ECT2L: variants seen among roughly 807,000 people sequenced by gnomAD.
ECT2L encodes epithelial cell-transforming sequence 2 oncogene-like.
ECT2L carries 126 observed loss-of-function variants against 122.8 expected under a neutral mutation model. The observed-to-expected ratio is 1.03, with a 90% CI of 0.89 to 1.19. The LOEUF is 1.19. Ranked by LOEUF, ECT2L falls within the 50% of genes most tolerant of loss-of-function variation. The pLI, the probability that ECT2L is intolerant of heterozygous loss-of-function variation, is 0.00. For missense variants in ECT2L, 1,012 were observed against 1,064.1 expected (o/e 0.95, Z 0.68); for synonymous variants, 385 against 381.8 (o/e 1.01, Z -0.10).
At chr6:138,874,762 G>GT (rs1778381840) in intron 13 of ECT2L, among the ~76,000 whole-genome samples, 1 of 152,088 alleles carries the variant, frequency 6.6e-6, no homozygotes, top group Non-Finnish European at 1.5e-5. Flanking sequence ...TTTTGTTTTT[G>GT]TTTTTTGAGA....
At chr6:138,855,496 G>A (rs943121383) in intron 10 of ECT2L, among the ~76,000 whole-genome samples, 2 of 150,752 alleles carry the variant, frequency 1.3e-5, no homozygotes, top group African/African-American at 2.5e-5. Context: ...GCGACAGAGT[G>A]AGACTCCACC....
chr6:138,867,309 T>C (rs1778080711), intron 12 of ECT2L, among the ~76,000 whole-genome samples: 1 of 152,194 alleles, frequency 6.6e-6, no homozygotes, highest in Non-Finnish European at 1.5e-5. Context: ...TCATTTTATA[T>C]TTTATCATAG....
At chr6:138,818,373 A>C (rs2128376103) in intron 4 of ECT2L, among the ~76,000 whole-genome samples, 1 of 152,082 alleles carries the variant, frequency 6.6e-6, no homozygotes, top group South Asian at 2.1e-4. Context: ...CATTCTTCCC[A>C]CGCAGCCTGT....
intron 4 of ECT2L, among the ~76,000 whole-genome samples, chr6:138,834,147 G>C (rs2128385186): frequency 6.6e-6 from 1 of 152,324 alleles, no homozygotes; most frequent in South Asian, 2.1e-4. Context: ...ACACTGCAAA[G>C]CATTATCATG....
At chr6:138,852,988 G>A (rs537263808) in intron 9 of ECT2L, among the ~76,000 whole-genome samples, 1 of 152,228 alleles carries the variant, frequency 6.6e-6, no homozygotes, top group East Asian at 1.9e-4. Context: ...TTTTGTTTGA[G>A]ATGGAGTCTC....
intron 4 of ECT2L, among the ~76,000 whole-genome samples, chr6:138,819,112 TC>T (rs1163889497): frequency 6.6e-6 from 1 of 152,020 alleles, no homozygotes; most frequent in African/African-American, 2.4e-5. Flanking sequence ...TTCACTTCCT[TC>T]CCCTTTGCCC....
At chr6:138,806,107 C>T (rs566234208) in intron 1 of ECT2L, among the ~76,000 whole-genome samples, 1 of 152,308 alleles carries the variant, frequency 6.6e-6, no homozygotes, top group East Asian at 1.9e-4. Context: ...TCCGTCAGGT[C>T]CAGTTGCAAA....
At chr6:138,900,138 A>G (rs558210702) in intron 20 of ECT2L, among the ~76,000 whole-genome samples, 1 of 152,316 alleles carries the variant, frequency 6.6e-6, no homozygotes, top group East Asian at 1.9e-4. Flanking sequence ...TTTCCAATCA[A>G]AAGTAAAAAT....
At chr6:138,810,407 T>G (rs1361071138) in intron 1 of ECT2L, among the ~76,000 whole-genome samples, 3 of 152,174 alleles carry the variant, frequency 2.0e-5, no homozygotes, top group Admixed American at 6.5e-5. Flanking sequence ...GAAAAACATC[T>G]CAGGGAAGAA....
intron 1 of ECT2L, among the ~76,000 whole-genome samples, chr6:138,799,407 C>T (rs1775455932): frequency 6.6e-6 from 1 of 152,106 alleles, no homozygotes; most frequent in Non-Finnish European, 1.5e-5. Flanking sequence ...GCACCCGCCA[C>T]CACGCCCGGC....
At position 138,887,478 on chromosome 6, in the gene ECT2L, G is replaced by A. The variant is rs1335382739; in HGVS notation, c.2325+556G>A. 3.3e-5 allele frequency among the ~76,000 whole-genome samples: 5 copies of A among 152,022 alleles called. No homozygotes were observed. The East Asian group carries it at 5.8e-4, about 18-fold the overall frequency. ...CCTGACCTTGTGATCTGCCCGCCTCGGCCTCCCAGTGCTGGGATTACAGGC... is the reference window on the plus strand; with the variant it reads ...CCTGACCTTGTGATCTGCCCGCCTCAGCCTCCCAGTGCTGGGATTACAGGC... On this transcript the variant is annotated intron_variant, in intron 19 of 21. Transcript: ENST00000541398.
intron 1 of ECT2L, among the ~76,000 whole-genome samples, chr6:138,805,137 T>C (rs1208154929): frequency 3.3e-5 from 5 of 152,220 alleles, no homozygotes; most frequent in African/African-American, 1.2e-4. Context: ...TCATCCTTAC[T>C]GTTTTGTGTA....
At chr6:138,803,605 G>A (rs1283397014) in intron 1 of ECT2L, among the ~76,000 whole-genome samples, 1 of 152,150 alleles carries the variant, frequency 6.6e-6, no homozygotes, top group East Asian at 1.9e-4. Context: ...ATTGCCAAGA[G>A]GTTTTTATCT....
Position 138,875,236 on chromosome 6 carries a change from G to A in ECT2L, c.1579-1236G>A, listed in dbSNP as rs1778399648. Among the ~76,000 whole-genome samples the A allele has an allele frequency of 1.3e-5, 2 of 152,256 alleles. 1 individual carries two copies. Among genetic ancestry groups the A allele is most frequent in the South Asian group, 4.1e-4 (2 of 4,836 alleles). On this transcript the variant is annotated intron_variant, in intron 13 of 21. Transcript: ENST00000541398. ...AGCAGACAGGAAGCACTCAGGCTCA[G>A]GTGGGACCTCCTGCCATCTGGGACT... is the stretch of plus-strand genomic sequence containing the variant.
Position 138,854,260 on chromosome 6 carries a change from C to T in ECT2L, c.1198+106C>T, listed in dbSNP as rs74928567. ...GGTCAAATGATTCAGTCACATTTCA[C>T]GCTTCAATTTCTTTTTTCTTTGTAC... On this transcript the variant is annotated intron_variant, in intron 10 of 21. Transcript: ENST00000541398. 3,186 of 1,314,064 alleles carry T rather than the reference C, an allele frequency of 2.4e-3. 67 individuals are homozygous for T. The African/African-American group carries it at 0.041, about 17-fold the overall frequency. The allele number at this position is 1,314,064 out of a possible 1,614,324, so 81.4% of individuals were successfully genotyped here.
In ECT2L at chr6:138,843,226, G is replaced by A. The variant is rs757597689; in HGVS notation, c.590G>A (p.Arg197His). The change falls in exon 6 of 22, where the codon CGT (arginine) becomes CAT (histidine). Residue 197 changes from arginine (R) to histidine (H), a missense_variant. By Grantham distance (29) the Arg-to-His change is conservative. Coordinates refer to ENST00000541398, the MANE Select transcript of ECT2L (RefSeq NM_001077706.3). ...RKRIWEKIAL[R>H]KKELFKVRPP... Reference sequence around the variant, plus strand: ...AGAATTTGGGAGAAAATTGCACTACGTAAGAGTAAGTAGCATTTTAAACCT... The same window carrying A: ...AGAATTTGGGAGAAAATTGCACTACATAAGAGTAAGTAGCATTTTAAACCT... 11 of 1,591,394 alleles carry A rather than the reference G, an allele frequency of 6.9e-6. No homozygotes were observed. Among genetic ancestry groups the A allele is most frequent in the Non-Finnish European group, 8.6e-6 (10 of 1,168,188 alleles).
chr6:138,797,988 C>T (rs1775401740), intron 1 of ECT2L, among the ~76,000 whole-genome samples: 1 of 152,214 alleles, frequency 6.6e-6, no homozygotes, highest in Non-Finnish European at 1.5e-5. Context: ...TAGAGTGACT[C>T]ACGGAATTCA....
At chr6:138,900,916 A>G (rs761685569) in intron 20 of ECT2L, 32 bp from the exon 21 acceptor site, 6 of 1,604,410 alleles carry the variant, frequency 3.7e-6, no homozygotes, top group Non-Finnish European at 3.4e-6. Flanking sequence ...TATGTTATGT[A>G]TTAAAACTGT....
chr6:138,816,179 T>G (rs1776060801), intron 4 of ECT2L, among the ~76,000 whole-genome samples: 1 of 152,210 alleles, frequency 6.6e-6, no homozygotes, highest in South Asian at 2.1e-4. Flanking sequence ...TATAACCACT[T>G]TGTGCATCAT....
Sources: gnomAD v4.1 joint callset for allele counts (sites outside exome capture counted in the v4.1 genomes callset) on GRCh38, gnomAD v4.1.1 for gene constraint, MANE v1.5 for transcripts, NCBI Gene and HGNC (gene_info 2026-07-23, HGNC 2026-07-21) for gene names.